Variants in PHLDB2 observed in about 807,000 individuals in gnomAD.
The protein encoded by PHLDB2 is pleckstrin homology-like domain family B member 2.
PHLDB2 carries 71 observed loss-of-function variants against 123.6 expected under a neutral mutation model. That is an observed-to-expected ratio of 0.57 (90% CI 0.47 to 0.70). The LOEUF (loss-of-function observed/expected upper bound fraction) is 0.70, where lower values mean the gene tolerates loss of function less well. Ranked by LOEUF, PHLDB2 falls within the 30% of genes least tolerant of loss-of-function variation. The pLI is 0.00. For missense variants in PHLDB2, 1,446 were observed against 1,519.5 expected (o/e 0.95, Z 0.80); for synonymous variants, 547 against 541.6 (o/e 1.01, Z -0.14).
intron 2 of PHLDB2, chr3:111,911,697 G>C (rs774889420): frequency 2.0e-6 from 3 of 1,536,292 alleles, no homozygotes; most frequent in Non-Finnish European, 2.6e-6. Flanking sequence ...TGCAGCTGGA[G>C]TCCAGAAGTT....
intron 1 of PHLDB2, among the ~76,000 whole-genome samples, chr3:111,769,294 A>G (rs2060134688): frequency 6.6e-6 from 1 of 152,198 alleles, no homozygotes; most frequent in East Asian, 1.9e-4. Context: ...TGGAAAAACC[A>G]GTCCAAATTA....
chr3:111,842,302 G>A (rs1467524627), intron 1 of PHLDB2, among the ~76,000 whole-genome samples: 2 of 152,072 alleles, frequency 1.3e-5, no homozygotes, highest in African/African-American at 4.8e-5. Flanking sequence ...GCAAAATTGA[G>A]ATGAAGGTAC....
At chr3:111,805,747 G>T (rs1304523148) in intron 1 of PHLDB2, among the ~76,000 whole-genome samples, 1 of 148,580 alleles carries the variant, frequency 6.7e-6, no homozygotes, top group East Asian at 2.2e-4. Context: ...TGGGGCCAGG[G>T]GTGGTGAGTG....
intron 1 of PHLDB2, among the ~76,000 whole-genome samples, chr3:111,736,444 A>G (rs1182022231): frequency 6.6e-6 from 1 of 152,174 alleles, no homozygotes; most frequent in Non-Finnish European, 1.5e-5. Flanking sequence ...CTGTTTTCAG[A>G]TGATATCCTT....
At chr3:111,950,623 G>C (rs1280816276) in intron 10 of PHLDB2, among the ~76,000 whole-genome samples, 1 of 152,064 alleles carries the variant, frequency 6.6e-6, no homozygotes, top group African/African-American at 2.4e-5. Flanking sequence ...AATTTGTTTT[G>C]AGACTTCCTT....
chr3:111,879,901 T>C (rs1409319354), intron 1 of PHLDB2, among the ~76,000 whole-genome samples: 1 of 152,086 alleles, frequency 6.6e-6, no homozygotes, highest in Non-Finnish European at 1.5e-5. Flanking sequence ...CTCTATTAAG[T>C]TGTCCTCTGT....
chr3:111,884,456 G>C lies in PHLDB2; in HGVS notation c.379G>C (p.Asp127His), dbSNP rs754505615. ...SLSGYPLGRA[D>H]FDHYTGRDSE... ...CAGTGGATATCCACTTGGAAGAGCA[G>C]ACTTTGATCATTATACTGGCCGGGA... Residue 127 changes from aspartate to histidine, a missense_variant, in exon 2 of 18, where the codon GAC (aspartate) becomes CAC (histidine). Asp to His is a moderately conservative substitution (Grantham distance 81). Around this residue, in one of 3 missense-constraint regions of PHLDB2, gnomAD observed 832 missense variants for 831.9 expected, o/e 1.00. Coordinates refer to ENST00000431670, the MANE Select transcript of PHLDB2 (RefSeq NM_001134438.2). 2 of 1,614,062 alleles carry C rather than the reference G, an allele frequency of 1.2e-6. No individual in the cohort carries two copies. Among genetic ancestry groups the C allele is most frequent in the African/African-American group, 2.7e-5 (2 of 74,926 alleles).
At chr3:111,804,382 G>C (rs1452859423) in intron 1 of PHLDB2, among the ~76,000 whole-genome samples, 1 of 152,202 alleles carries the variant, frequency 6.6e-6, no homozygotes, top group Non-Finnish European at 1.5e-5. Context: ...ATTAGAGGTA[G>C]AAAACTTTGG....
rs368854728 is a variant in PHLDB2, at chr3:111,793,194, T to G, written c.-48-52627T>G. 1.7e-4 allele frequency among the ~76,000 whole-genome samples: 26 copies of G among 152,298 alleles called. No individual in the cohort carries two copies. In the South Asian group the frequency reaches 4.1e-3, roughly 24 times the overall value. On this transcript the variant is annotated intron_variant, in intron 1 of 17. Coordinates refer to the PHLDB2 transcript ENST00000393923. ...AGCAAGGGCCCAGGATCAGGAACTTTAGGAATCTACCTGGCGCTCTATTCT... is the reference window on the plus strand; with the variant it reads ...AGCAAGGGCCCAGGATCAGGAACTTGAGGAATCTACCTGGCGCTCTATTCT...
intron 1 of PHLDB2, among the ~76,000 whole-genome samples, chr3:111,874,921 A>G (rs1356847465): frequency 1.3e-5 from 2 of 152,228 alleles, no homozygotes; most frequent in African/African-American, 4.8e-5. Context: ...CATTCTAAAA[A>G]ACAAGAATAT....
intron 1 of PHLDB2, among the ~76,000 whole-genome samples, chr3:111,866,816 A>G (rs578137032): frequency 6.6e-6 from 1 of 152,272 alleles, no homozygotes; most frequent in African/African-American, 2.4e-5. Context: ...TACGTAGTAA[A>G]GGAAGACCCT....
At chr3:111,815,028 T>C (rs1463506549) in intron 1 of PHLDB2, among the ~76,000 whole-genome samples, 10 of 152,228 alleles carry the variant, frequency 6.6e-5, no homozygotes, top group African/African-American at 2.2e-4. Flanking sequence ...CGAGAGCTGG[T>C]GGTTTTAAAA....
chr3:111,892,740 C>T (rs890129544), intron 2 of PHLDB2, among the ~76,000 whole-genome samples: 12 of 152,100 alleles, frequency 7.9e-5, no homozygotes, highest in African/African-American at 2.2e-4. Flanking sequence ...TCTCCAAGGT[C>T]GTACAAAAAC....
At chr3:111,843,665 T>A (rs1402452520) in intron 1 of PHLDB2, among the ~76,000 whole-genome samples, 1 of 152,232 alleles carries the variant, frequency 6.6e-6, no homozygotes, top group African/African-American at 2.4e-5. Context: ...GTGTTGGGAT[T>A]ACAGCAGTGA....
At position 111,975,408 on chromosome 3, in the gene PHLDB2, C is replaced by T. The variant is rs150073257; in HGVS notation, c.*845C>T. On this transcript the variant is annotated 3_prime_UTR_variant, in exon 18 of 18. Coordinates refer to ENST00000431670, the MANE Select transcript of PHLDB2 (RefSeq NM_001134438.2). Reference sequence around the variant, plus strand: ...TAGGAGCTTGTTTTGCTGAAGATTTCTCCATTCCTGGTGCTGAGAATAAAG... The same window carrying T: ...TAGGAGCTTGTTTTGCTGAAGATTTTTCCATTCCTGGTGCTGAGAATAAAG... 4.1e-3 allele frequency: 621 copies of T among 152,268 alleles called. 2 individuals carry two copies. Among genetic ancestry groups the T allele is most frequent in the African/African-American group, 0.014 (601 of 41,540 alleles). 9.4% of individuals were successfully genotyped at this position (152,268 alleles called of 1,614,324 possible). A position where few individuals can be genotyped will look rare whatever the true frequency, so the allele number is the denominator to read the frequency against.
intron 2 of PHLDB2, among the ~76,000 whole-genome samples, chr3:111,891,084 T>G (rs1432868016): frequency 6.6e-6 from 1 of 152,152 alleles, no homozygotes; most frequent in African/African-American, 2.4e-5. Context: ...GGTGGTCATT[T>G]TAACTTCCTC....
chr3:111,937,544 G>A (rs542357838), intron 6 of PHLDB2, among the ~76,000 whole-genome samples: 1 of 152,234 alleles, frequency 6.6e-6, no homozygotes, highest in Non-Finnish European at 1.5e-5. Context: ...CATGTGAGTA[G>A]AGGCTGAGGT....
intron 2 of PHLDB2, among the ~76,000 whole-genome samples, chr3:111,898,803 T>A (rs1577032575): frequency 1.3e-5 from 2 of 152,220 alleles, no homozygotes. Context: ...TCATGAGATT[T>A]CAGCAATTCA....
intron 6 of PHLDB2, among the ~76,000 whole-genome samples, chr3:111,936,386 T>C (rs1411784832): frequency 6.6e-6 from 1 of 152,224 alleles, no homozygotes; most frequent in Non-Finnish European, 1.5e-5. Flanking sequence ...CTGTGCTCAA[T>C]TAAACTATTC....
Sources: gnomAD v4.1 joint callset for allele counts (sites outside exome capture counted in the v4.1 genomes callset) on GRCh38, gnomAD v4.1.1 for gene constraint, gnomAD v4.1.1 regional missense constraint, MANE v1.5 for transcripts, NCBI Gene and HGNC (gene_info 2026-07-23, HGNC 2026-07-21) for gene names.